RGS7: variants seen among roughly 807,000 people sequenced by gnomAD.
The protein encoded by RGS7 is regulator of G protein signaling 7.
RGS7 carries 27 observed loss-of-function variants against 81.1 expected under a neutral mutation model. The ratio of observed to expected loss-of-function variants is 0.33; its 90% confidence interval spans 0.25 to 0.46. The LOEUF (loss-of-function observed/expected upper bound fraction) is 0.46. Ranked by LOEUF, RGS7 falls within the 20% of genes least tolerant of loss-of-function variation. The pLI, the probability that RGS7 is intolerant of heterozygous loss-of-function variation, is 1.00. For synonymous variants in RGS7, 208 were observed against 207.7 expected, an observed-to-expected ratio of 1.00 and a Z score of -0.01; for missense variants, 396 against 607.4, an observed-to-expected ratio of 0.65 and a Z score of 3.66.
intron 2 of RGS7, among the ~76,000 whole-genome samples, chr1:241,355,251 T>C (rs956916412): frequency 3.9e-5 from 6 of 152,318 alleles, no homozygotes; most frequent in African/African-American, 1.4e-4. Context: ...ACCACATACA[T>C]TTACACAGAC....
intron 4 of RGS7, among the ~76,000 whole-genome samples, chr1:240,948,931 T>A (rs1351489661): frequency 2.0e-5 from 3 of 151,928 alleles, no homozygotes; most frequent in Non-Finnish European, 4.4e-5. Context: ...TTGGAATTAT[T>A]ATTTATTTTC....
In RGS7 at chr1:240,917,395, T is replaced by C. The variant is rs1302883781; in HGVS notation, c.385+13322A>G. On this transcript the variant is annotated intron_variant, in intron 6 of 18. Transcript: ENST00000440928. ...TTAATTGATCTGATGGATAAAAAAG[T>C]GTTCAAAATGATACCAGCAACAATG... Among the ~76,000 whole-genome samples the C allele has an allele frequency of 4.6e-5, 7 of 152,194 alleles. 2 individuals are homozygous for C. Among genetic ancestry groups the C allele is most frequent in the Admixed American group, 4.6e-4 (7 of 15,270 alleles).
chr1:240,788,277 C>G (rs1685401004), intron 18 of RGS7, among the ~76,000 whole-genome samples: 1 of 152,104 alleles, frequency 6.6e-6, no homozygotes, highest in Non-Finnish European at 1.5e-5. Flanking sequence ...TAATTATAAA[C>G]AGCTATGGGA....
chr1:240,878,722 A>G (rs1665890235), intron 6 of RGS7, among the ~76,000 whole-genome samples: 1 of 151,954 alleles, frequency 6.6e-6, no homozygotes, highest in Non-Finnish European at 1.5e-5. Flanking sequence ...GATTTGGTGT[A>G]TACACACACA....
chr1:241,078,249 A>G (rs1395448845), intron 3 of RGS7, among the ~76,000 whole-genome samples: 1 of 148,980 alleles, frequency 6.7e-6, no homozygotes, highest in Non-Finnish European at 1.5e-5. Context: ...ATAATATACA[A>G]TATATATAAA....
chr1:241,270,915 C>CA (rs1558258557), intron 2 of RGS7, among the ~76,000 whole-genome samples: 2 of 118 alleles, frequency 0.017, no homozygotes, highest in Middle Eastern at 0.5. Context: ...CCCACCACCA[C>CA]GCCCGCTAAT....
intron 10 of RGS7, among the ~76,000 whole-genome samples, chr1:240,820,089 A>G (rs1248669669): frequency 1.3e-5 from 2 of 152,222 alleles, no homozygotes; most frequent in Non-Finnish European, 2.9e-5. Context: ...TGCAATGTAA[A>G]AGGCTTTGCA....
intron 3 of RGS7, among the ~76,000 whole-genome samples, 182 bp from the exon 4 acceptor site, chr1:240,983,311 C>G (rs767746133): frequency 6.6e-6 from 1 of 152,050 alleles, no homozygotes. Context: ...ACTTAGCTGT[C>G]CATCAATAAA....
intron 3 of RGS7, among the ~76,000 whole-genome samples, chr1:241,015,493 T>C (rs960820666): frequency 1.3e-5 from 2 of 152,186 alleles, no homozygotes; most frequent in African/African-American, 4.8e-5. Flanking sequence ...CTATTGACCA[T>C]TATAGCTTCA....
chr1:240,858,942 T>C (rs1017657938), intron 9 of RGS7, among the ~76,000 whole-genome samples: 2 of 152,334 alleles, frequency 1.3e-5, no homozygotes, highest in African/African-American at 4.8e-5. Flanking sequence ...CATTGGTGTG[T>C]AGTTTTCCTT....
intron 2 of RGS7, among the ~76,000 whole-genome samples, chr1:241,327,017 A>C (rs1457560226): frequency 9.7e-5 from 1 of 10,260 alleles, no homozygotes; most frequent in Non-Finnish European, 2.9e-4. Flanking sequence ...GAAGGAAGGA[A>C]GGAAGGAAGG....
At chr1:241,033,343 T>C (rs1396380416) in intron 3 of RGS7, among the ~76,000 whole-genome samples, 1 of 151,696 alleles carries the variant, frequency 6.6e-6, no homozygotes, top group Non-Finnish European at 1.5e-5. Context: ...AGAGCGAGAG[T>C]CCATCTAAAA....
At chr1:241,119,861 A>G (rs2066130850) in intron 2 of RGS7, among the ~76,000 whole-genome samples, 1 of 151,766 alleles carries the variant, frequency 6.6e-6, no homozygotes, top group Admixed American at 6.6e-5. Flanking sequence ...CCAAATATTC[A>G]TGTCTGAAAC....
chr1:241,332,944 G>C lies in RGS7; in HGVS notation c.78+22755C>G, dbSNP rs185979864. Among the ~76,000 whole-genome samples the C allele has an allele frequency of 8.1e-4, 123 of 152,322 alleles. 1 individual carries two copies. Among genetic ancestry groups the C allele is most frequent in the African/African-American group, 2.9e-3 (119 of 41,576 alleles). ...GCAGCCTTTGTTTTCCCTGCCACCT[G>C]CAAGGGATGGACAGTTTTATTTCAC... On this transcript the variant is annotated intron_variant, in intron 2 of 18. Transcript: ENST00000440928.
intron 18 of RGS7, among the ~76,000 whole-genome samples, chr1:240,784,426 G>A (rs570990728): frequency 1.3e-4 from 20 of 151,898 alleles, no homozygotes; most frequent in Non-Finnish European, 2.7e-4. Context: ...AGATCACGAG[G>A]TCAGGAGATT....
chr1:241,009,973 G>A (rs1448323164), intron 3 of RGS7, among the ~76,000 whole-genome samples: 2 of 152,142 alleles, frequency 1.3e-5, no homozygotes, highest in Admixed American at 6.5e-5. Context: ...TCATAGGTGG[G>A]AGTTGAACAA....
intron 2 of RGS7, among the ~76,000 whole-genome samples, chr1:241,275,519 G>A (rs1196203571): frequency 6.6e-6 from 1 of 152,110 alleles, no homozygotes; most frequent in Admixed American, 6.6e-5. Context: ...ATCCTCTATG[G>A]TAGGAAACGT....
intron 2 of RGS7, among the ~76,000 whole-genome samples, chr1:241,149,579 C>T (rs1034480051): frequency 1.2e-4 from 19 of 152,126 alleles, no homozygotes; most frequent in Non-Finnish European, 2.8e-4. Flanking sequence ...CATAAATGAC[C>T]CTTTTCCCTT....
Position 241,155,911 on chromosome 1 carries a change from C to T in RGS7, c.79-57149G>A, listed in dbSNP as rs920342280. On this transcript the variant is annotated intron_variant, in intron 2 of 18. Transcript: ENST00000440928. ...TTTGGGTTGTCTCTTCTCCGTAAGC[C>T]TCAAGTACTTCTTAGTCCTTTCTTC... Among the ~76,000 whole-genome samples the T allele has an allele frequency of 3.9e-5, 6 of 152,176 alleles. No homozygotes were observed. The East Asian group carries it at 1.2e-3, about 29-fold the overall frequency.
Sources: allele counts gnomAD v4.1 joint callset (sites outside exome capture counted in the v4.1 genomes callset), GRCh38; gene constraint gnomAD v4.1.1; transcripts MANE v1.5; gene names NCBI Gene and HGNC (gene_info 2026-07-23, HGNC 2026-07-21).